The following NOVA1 variants were observed in gnomAD, a reference collection of about 807,000 sequenced individuals.
NOVA1 encodes RNA-binding protein Nova-1.
NOVA1 carries 7 observed loss-of-function variants against 38.0 expected under a neutral mutation model. The ratio of observed to expected loss-of-function variants is 0.18; its 90% CI spans 0.10 to 0.35. The LOEUF is 0.35. Ranked by LOEUF, NOVA1 falls within the 10% of genes least tolerant of loss-of-function variation. The pLI, the probability that NOVA1 is intolerant of heterozygous loss-of-function variation, is 1.00. For synonymous variants in NOVA1, 270 were observed against 232.5 expected (o/e 1.16, Z -1.47); for missense variants, 460 against 616.0 (o/e 0.75, Z 2.68).
chr14:26,574,237 G>A (rs1441293189), intron 2 of NOVA1, among the ~76,000 whole-genome samples: 1 of 139,398 alleles, frequency 7.2e-6, no homozygotes, highest in Non-Finnish European at 1.5e-5. Context: ...TCTTGGCCAG[G>A]CTGGTCTTGA....
intron 2 of NOVA1, among the ~76,000 whole-genome samples, chr14:26,584,232 C>T (rs193013718): frequency 1.5e-3 from 224 of 151,324 alleles, no homozygotes; most frequent in African/African-American, 4.9e-3. Flanking sequence ...TTTCTAGTTG[C>T]CCCATCTTTC....
chr14:26,517,728 A>G (rs913378220), intron 2 of NOVA1, among the ~76,000 whole-genome samples: 5 of 152,202 alleles, frequency 3.3e-5, no homozygotes, highest in Non-Finnish European at 7.4e-5. Context: ...TATCACAAAC[A>G]GTAAATATCT....
intron 2 of NOVA1, among the ~76,000 whole-genome samples, chr14:26,486,672 G>A (rs1401457273): frequency 1.8e-5 from 2 of 109,500 alleles, no homozygotes; most frequent in Non-Finnish European, 3.3e-5. Context: ...TCACACCACT[G>A]CACTCCAGCC....
chr14:26,455,409 AC>A (rs1489478037), intron 4 of NOVA1, among the ~76,000 whole-genome samples: 2 of 152,046 alleles, frequency 1.3e-5, no homozygotes, highest in African/African-American at 4.8e-5. Context: ...CTGCTATGTG[AC>A]CTTTCTCAAA....
At chr14:26,544,668 TGAGAA>T (rs1041607603) in intron 2 of NOVA1, among the ~76,000 whole-genome samples, 3 of 149,558 alleles carry the variant, frequency 2.0e-5, no homozygotes. Flanking sequence ...AATGCCAGAG[TGAGAA>T]AAGAAGGAAT....
intron 4 of NOVA1, among the ~76,000 whole-genome samples, chr14:26,452,423 T>A (rs1882776468): frequency 6.6e-6 from 1 of 152,182 alleles, no homozygotes; most frequent in African/African-American, 2.4e-5. Flanking sequence ...GGTGGACAAC[T>A]GAATACTGGT....
intron 4 of NOVA1, among the ~76,000 whole-genome samples, chr14:26,452,444 AGAG>A (rs1055449366): frequency 1.3e-5 from 2 of 152,218 alleles, no homozygotes; most frequent in Admixed American, 6.5e-5. Context: ...GGGAAAAAAC[AGAG>A]GAGAAGCAAA....
intron 2 of NOVA1, among the ~76,000 whole-genome samples, chr14:26,587,118 C>T (rs12587726): frequency 6.7e-6 from 1 of 150,258 alleles, no homozygotes; most frequent in African/African-American, 2.4e-5. Flanking sequence ...AGAAACCTTA[C>T]GTAAATCACT....
chr14:26,551,301 C>T (rs28675021), intron 2 of NOVA1, among the ~76,000 whole-genome samples: 3,222 of 152,062 alleles, frequency 0.021, 107 homozygotes, highest in African/African-American at 0.074. Context: ...AGTCCAACTA[C>T]AAAATGAATT....
rs369346732 is a variant in NOVA1, at chr14:26,588,690, C to A, written c.280+6720G>T. Among the ~76,000 whole-genome samples, 23 of 151,204 alleles carry A rather than the reference C, an allele frequency of 1.5e-4. No individual in the cohort carries two copies. The East Asian group carries it at 2.9e-3, about 19-fold the overall frequency. ...TTATTAAACAAAAATTTAAAAATCA[C>A]GGTAAAAGTATATATGTGAAATTTT... On this transcript the variant is annotated intron_variant, in intron 2 of 4. Coordinates refer to ENST00000539517, the MANE Select transcript of NOVA1 (RefSeq NM_002515.3).
intron 1 of NOVA1, chr14:26,596,593 T>C: frequency 7.8e-7 from 1 of 1,289,156 alleles, no homozygotes; most frequent in Non-Finnish European, 1.0e-6. Flanking sequence ...ATGCATTGGG[T>C]GCATTGTTAA....
chr14:26,561,771 A>G lies in NOVA1; in HGVS notation c.280+33639T>C, dbSNP rs1265330010. Among the ~76,000 whole-genome samples the G allele has an allele frequency of 6.6e-5, 10 of 152,336 alleles. No homozygotes were observed. The East Asian group carries it at 1.9e-3, about 29-fold the overall frequency. ...GTTTTGTCTATTTATAATGTTTAAT[A>G]CTTCTAAACAAATATTATATTTCTC... On this transcript the variant is annotated intron_variant, in intron 2 of 4. Coordinates refer to ENST00000539517, the MANE Select transcript of NOVA1 (RefSeq NM_002515.3).
chr14:26,496,711 T>C (rs529153652), intron 2 of NOVA1, among the ~76,000 whole-genome samples: 4 of 152,214 alleles, frequency 2.6e-5, no homozygotes, highest in Non-Finnish European at 5.9e-5. Context: ...TTTCTACATA[T>C]GGCTAGCCAG....
chr14:26,560,005 AAAT>A (rs1330299671), intron 2 of NOVA1, among the ~76,000 whole-genome samples: 3 of 152,072 alleles, frequency 2.0e-5, no homozygotes, highest in African/African-American at 7.2e-5. Context: ...TTATTGTAAT[AAAT>A]TATTGTAATT....
intron 2 of NOVA1, among the ~76,000 whole-genome samples, chr14:26,506,795 G>T (rs1288587216): frequency 6.6e-6 from 1 of 151,966 alleles, no homozygotes; most frequent in Non-Finnish European, 1.5e-5. Flanking sequence ...GGCCAGGCTG[G>T]TCTCAAACTC....
At chr14:26,499,142 G>C (rs1223350031) in intron 2 of NOVA1, among the ~76,000 whole-genome samples, 1 of 152,140 alleles carries the variant, frequency 6.6e-6, no homozygotes, top group Non-Finnish European at 1.5e-5. Context: ...ATTGTTTTCA[G>C]GACTTTTGCT....
chr14:26,510,141 A>C (rs1887959365), intron 2 of NOVA1, among the ~76,000 whole-genome samples: 2 of 152,174 alleles, frequency 1.3e-5, no homozygotes, highest in Admixed American at 1.3e-4. Context: ...ATACAGGAAA[A>C]ATACATCATT....
intron 3 of NOVA1, among the ~76,000 whole-genome samples, chr14:26,478,369 T>C (rs984130918): frequency 2.0e-5 from 3 of 151,822 alleles, no homozygotes; most frequent in Non-Finnish European, 4.4e-5. Flanking sequence ...CTAAATTTTA[T>C]GTTTTACTTA....
intron 2 of NOVA1, among the ~76,000 whole-genome samples, chr14:26,557,537 T>TC (rs1891568129): frequency 6.6e-6 from 1 of 151,348 alleles, no homozygotes; most frequent in Non-Finnish European, 1.5e-5. Context: ...AATTTTTTTT[T>TC]TTTTTTTGTA....
Sources: gnomAD v4.1 joint callset for allele counts (sites outside exome capture counted in the v4.1 genomes callset) on GRCh38, gnomAD v4.1.1 for gene constraint, MANE v1.5 for transcripts, NCBI Gene and HGNC (gene_info 2026-07-23, HGNC 2026-07-21) for gene names.